GRM8: variants seen among roughly 807,000 people sequenced by gnomAD.
GRM8 encodes the protein metabotropic glutamate receptor 8.
GRM8 carries 47 observed loss-of-function variants against 87.2 expected under a neutral mutation model. That is an observed-to-expected ratio of 0.54 (90% confidence interval 0.43 to 0.69). GRM8 has a LOEUF of 0.69. GRM8 is among the 30% of genes least tolerant of loss of function. GRM8 has a pLI of 0.00. For synonymous variants in GRM8, 396 were observed against 404.5 expected (o/e 0.98, Z 0.25); for missense variants, 1,019 against 1,139.2 (o/e 0.89, Z 1.52).
At chr7:127,022,933 A>G (rs1253639212) in intron 3 of GRM8, among the ~76,000 whole-genome samples, 1 of 152,074 alleles carries the variant, frequency 6.6e-6, no homozygotes, top group Non-Finnish European at 1.5e-5. Flanking sequence ...ATGTTTTTAA[A>G]TACCTAGCAA....
chr7:126,754,166 T>G (rs1361996), intron 7 of GRM8, among the ~76,000 whole-genome samples: 58,885 of 151,418 alleles, frequency 0.39, 12,606 homozygotes, highest in Non-Finnish European at 0.48. Context: ...TTGAATCTGT[T>G]GGCATAGTCC....
intron 8 of GRM8, among the ~76,000 whole-genome samples, chr7:126,581,622 C>A (rs1241754879): frequency 6.6e-6 from 1 of 152,104 alleles, no homozygotes; most frequent in Admixed American, 6.6e-5. Flanking sequence ...CCTCACATTA[C>A]GGTGCTTTTT....
chr7:126,848,308 A>T (rs1236813787), intron 6 of GRM8, among the ~76,000 whole-genome samples: 1 of 152,142 alleles, frequency 6.6e-6, no homozygotes, highest in African/African-American at 2.4e-5. Context: ...ACCACATACG[A>T]CTATTGTGTT....
intron 6 of GRM8, among the ~76,000 whole-genome samples, chr7:126,790,307 C>A (rs1400548190): frequency 6.6e-6 from 1 of 152,120 alleles, no homozygotes; most frequent in Admixed American, 6.5e-5. Flanking sequence ...CACAAGTGGC[C>A]AAGAACACAT....
intron 7 of GRM8, among the ~76,000 whole-genome samples, chr7:126,637,011 C>T (rs1801926671): frequency 6.6e-6 from 1 of 151,812 alleles, no homozygotes; most frequent in Non-Finnish European, 1.5e-5. Context: ...CTTATAAGAA[C>T]AAATGATCAA....
chr7:126,755,892 T>G (rs984834514), intron 7 of GRM8, among the ~76,000 whole-genome samples: 1 of 152,008 alleles, frequency 6.6e-6, no homozygotes, highest in Non-Finnish European at 1.5e-5. Context: ...TCATATGGAT[T>G]AATCAGGTGC....
chr7:126,913,865 T>C (rs187602742), intron 3 of GRM8, among the ~76,000 whole-genome samples: 85 of 152,366 alleles, frequency 5.6e-4, no homozygotes, highest in African/African-American at 2.0e-3. Context: ...AGAAGATTTA[T>C]CTCACACATC....
intron 3 of GRM8, among the ~76,000 whole-genome samples, chr7:126,915,844 A>G (rs1246951776): frequency 2.0e-5 from 3 of 152,174 alleles, no homozygotes; most frequent in Non-Finnish European, 4.4e-5. Context: ...AGGGTCAAAA[A>G]AGCAAGTGCA....
rs376619014 is a variant in GRM8 at position 126,533,629 on chromosome 7, C to T, written c.1753G>A (p.Val585Met). The T allele has an allele frequency of 3.7e-6, 6 of 1,614,074 alleles. No individual in the cohort carries two copies. Among genetic ancestry groups the T allele is most frequent in the Non-Finnish European group, 5.1e-6 (6 of 1,179,982 alleles). Residue 585 changes from valine to methionine, a missense_variant, in exon 9 of 11, where the codon GTG (valine) becomes ATG (methionine). Physicochemically the swap from Val to Met is conservative, Grantham distance 21. Transcript: ENST00000339582. ...AATATTGCAACAAACACAGGCACCACAGCCCAGGGAGAATGCCACTCCAAT... is the reference window on the plus strand; with the variant it reads ...AATATTGCAACAAACACAGGCACCATAGCCCAGGGAGAATGCCACTCCAAT... Reference protein sequence around the residue: ...IKLEWHSPWAVVPVFVAILGI... With the variant: ...IKLEWHSPWAMVPVFVAILGI...
At chr7:126,519,759 G>A (rs185629698) in intron 9 of GRM8, among the ~76,000 whole-genome samples, 159 of 152,220 alleles carry the variant, frequency 1.0e-3, no homozygotes, top group Non-Finnish European at 7.7e-4. Flanking sequence ...AGTCACTTTC[G>A]AGTACAGTGA....
chr7:126,737,298 C>T (rs1814346963), intron 7 of GRM8, among the ~76,000 whole-genome samples: 1 of 151,964 alleles, frequency 6.6e-6, no homozygotes, highest in African/African-American at 2.4e-5. Context: ...TGATCTCCAC[C>T]AAGGAACTGA....
chr7:126,506,229 T>A (rs1022640332), intron 9 of GRM8, among the ~76,000 whole-genome samples: 1 of 151,394 alleles, frequency 6.6e-6, no homozygotes, highest in Non-Finnish European at 1.5e-5. Flanking sequence ...ACACGTATGA[T>A]TGTGTGTGTG....
At chr7:126,892,758 G>A (rs1264493571) in intron 6 of GRM8, among the ~76,000 whole-genome samples, 2 of 152,076 alleles carry the variant, frequency 1.3e-5, no homozygotes, top group East Asian at 3.9e-4. Context: ...CACCAACAGT[G>A]TAAAAGTGTT....
chr7:127,017,529 T>A (rs1349770157), intron 3 of GRM8, among the ~76,000 whole-genome samples: 1 of 152,112 alleles, frequency 6.6e-6, no homozygotes, highest in Non-Finnish European at 1.5e-5. Context: ...GACACCAAGT[T>A]TTCAAGCTTA....
At chr7:126,623,573 G>A (rs1237620750) in intron 7 of GRM8, among the ~76,000 whole-genome samples, 2 of 152,026 alleles carry the variant, frequency 1.3e-5, no homozygotes, top group Non-Finnish European at 2.9e-5. Flanking sequence ...CTGCTCCCTC[G>A]CTCCAACACT....
intron 3 of GRM8, among the ~76,000 whole-genome samples, chr7:127,082,352 G>C (rs1800041546): frequency 6.6e-6 from 1 of 152,002 alleles, no homozygotes; most frequent in African/African-American, 2.4e-5. Flanking sequence ...GGGCTTCCTT[G>C]TTCCAATAGA....
intron 7 of GRM8, among the ~76,000 whole-genome samples, chr7:126,715,737 A>C (rs1811664986): frequency 6.6e-6 from 1 of 152,136 alleles, no homozygotes; most frequent in Non-Finnish European, 1.5e-5. Flanking sequence ...ACCCATCTCT[A>C]TCTCTCCAAC....
intron 3 of GRM8, among the ~76,000 whole-genome samples, chr7:127,005,058 G>A (rs1269298477): frequency 2.0e-5 from 3 of 150,416 alleles, no homozygotes; most frequent in Non-Finnish European, 3.0e-5. Context: ...CACAGATTAC[G>A]TATGTGAAGT....
chr7:126,848,985 A>C (rs924081066), intron 6 of GRM8, among the ~76,000 whole-genome samples: 4 of 152,174 alleles, frequency 2.6e-5, no homozygotes, highest in Non-Finnish European at 5.9e-5. Flanking sequence ...AAGCAGGCAC[A>C]GAGAGAGAAC....
Sources: allele counts gnomAD v4.1 joint callset (sites outside exome capture counted in the v4.1 genomes callset), GRCh38; gene constraint gnomAD v4.1.1; transcripts MANE v1.5; gene names NCBI Gene and HGNC (gene_info 2026-07-23, HGNC 2026-07-21).